GRID1: variants seen among roughly 807,000 people sequenced by gnomAD.
The protein encoded by GRID1 is glutamate receptor ionotropic, delta-1.
A neutral mutation model predicts 98.0 loss-of-function variants in GRID1; 28 were observed. The ratio of observed to expected loss-of-function variants is 0.29; its 90% CI spans 0.21 to 0.39. The LOEUF is 0.39. Among genes scored for constraint, GRID1 ranks in the 10% least tolerant of loss-of-function variants. GRID1 has a pLI of 1.00. For missense variants in GRID1, 1,111 were observed against 1,340.5 expected (o/e 0.83, Z 2.67); for synonymous variants, 553 against 538.5 (o/e 1.03, Z -0.37).
At chr10:85,655,129 C>T (rs1259953414) in intron 12 of GRID1, among the ~76,000 whole-genome samples, 1 of 152,188 alleles carries the variant, frequency 6.6e-6, no homozygotes, top group Non-Finnish European at 1.5e-5. Flanking sequence ...CTTGGCTACC[C>T]TGCTTTTGGT....
intron 3 of GRID1, among the ~76,000 whole-genome samples, chr10:86,143,987 C>T (rs1418315926): frequency 6.6e-6 from 1 of 152,164 alleles, no homozygotes; most frequent in Non-Finnish European, 1.5e-5. Flanking sequence ...AATACCCAAG[C>T]CTGCCGGAGT....
At chr10:85,942,923 C>A (rs1463817531) in intron 4 of GRID1, among the ~76,000 whole-genome samples, 1 of 152,188 alleles carries the variant, frequency 6.6e-6, no homozygotes, top group Non-Finnish European at 1.5e-5. Flanking sequence ...AGAAGCATAT[C>A]ATACATACTT....
chr10:86,056,693 A>G (rs1308820566), intron 4 of GRID1, among the ~76,000 whole-genome samples: 1 of 152,252 alleles, frequency 6.6e-6, no homozygotes, highest in African/African-American at 2.4e-5. Context: ...CCCTGCATGC[A>G]GCAGACAGAG....
In GRID1 at chr10:86,307,169, G is replaced by A. The variant is rs149683685; in HGVS notation, c.235+56772C>T. 4.5e-4 allele frequency among the ~76,000 whole-genome samples: 68 copies of A among 152,326 alleles called. 1 individual carries two copies. The East Asian group carries it at 9.3e-3, about 21-fold the overall frequency. On this transcript the variant is annotated intron_variant, in intron 2 of 15. Transcript: ENST00000327946. ...ATAAAAAACTAAAAATAGAACTACCGTATAATTCAGCAATCTCACTTCTGG... is the reference window on the plus strand; with the variant it reads ...ATAAAAAACTAAAAATAGAACTACCATATAATTCAGCAATCTCACTTCTGG...
chr10:86,112,750 A>G (rs1008280707), intron 4 of GRID1, among the ~76,000 whole-genome samples: 3 of 152,130 alleles, frequency 2.0e-5, no homozygotes, highest in African/African-American at 7.2e-5. Flanking sequence ...TTCCACTGAT[A>G]TGTTTTCTAA....
intron 4 of GRID1, among the ~76,000 whole-genome samples, chr10:85,975,764 C>T (rs1220027470): frequency 6.6e-6 from 1 of 152,186 alleles, no homozygotes; most frequent in African/African-American, 2.4e-5. Flanking sequence ...TCAAGAAAAT[C>T]GACCCTCAAG....
intron 12 of GRID1, among the ~76,000 whole-genome samples, chr10:85,694,584 ATATATATATATATATATAAT>A: frequency 1.3e-5 from 1 of 74,454 alleles, no homozygotes; most frequent in Middle Eastern, 6.5e-3. Flanking sequence ...ATATATATAT[ATATATATATATATATATAAT>A]GGAATATTAT....
chr10:86,100,294 G>A (rs558081305), intron 4 of GRID1, among the ~76,000 whole-genome samples: 82 of 152,222 alleles, frequency 5.4e-4, no homozygotes, highest in African/African-American at 1.8e-3. Flanking sequence ...TTGTGTGCAG[G>A]ACTGTATTTG....
At chr10:85,949,855 A>G (rs1842097246) in intron 4 of GRID1, among the ~76,000 whole-genome samples, 1 of 152,122 alleles carries the variant, frequency 6.6e-6, no homozygotes, top group African/African-American at 2.4e-5. Context: ...CTATAGGGAG[A>G]GAGACAGAGA....
rs1412383612 is a variant in GRID1, at chr10:86,365,143, C to A, written c.80-1047G>T. Reference sequence around the variant, plus strand: ...CGGCGCCGCAATGCTGACCGCGAGACCCGCACCCCTCCAGGGCGGGAAGCA... The same window carrying A: ...CGGCGCCGCAATGCTGACCGCGAGAACCGCACCCCTCCAGGGCGGGAAGCA... On this transcript the variant is annotated intron_variant, in intron 1 of 15. Coordinates refer to ENST00000327946, the MANE Select transcript of GRID1 (RefSeq NM_017551.3). The surrounding 1 kb of genome is among the most constrained non-coding windows in gnomAD (Gnocchi z 4.8). Among the ~76,000 whole-genome samples, 1 of 152,012 alleles carries A rather than the reference C, an allele frequency of 6.6e-6. No individual in the cohort carries two copies.
chr10:86,160,202 C>G (rs1249187161), intron 3 of GRID1, among the ~76,000 whole-genome samples: 1 of 152,210 alleles, frequency 6.6e-6, no homozygotes. Flanking sequence ...TATGCTTGGT[C>G]TTGCCAAAGC....
intron 4 of GRID1, among the ~76,000 whole-genome samples, chr10:86,064,070 T>C (rs978915911): frequency 1.3e-5 from 2 of 151,992 alleles, no homozygotes; most frequent in Admixed American, 6.6e-5. Context: ...AAATTGTTCG[T>C]TTTTTTTCCT....
In GRID1 at chr10:85,614,784, G is replaced by C. The variant is rs537766813; in HGVS notation, c.2361-1137C>G. ...GTTTCGATTTCATCATGTGTGCAAT[G>C]GTGGGACAACCCATGCTGCTTCTAT... On this transcript the variant is annotated intron_variant, in intron 14 of 15. Transcript: ENST00000327946. Among the ~76,000 whole-genome samples the C allele has an allele frequency of 3.6e-4, 55 of 152,252 alleles. 1 individual carries two copies. Among genetic ancestry groups the C allele is most frequent in the Admixed American group, 2.2e-3 (33 of 15,294 alleles).
chr10:85,987,189 C>T (rs917628034), intron 4 of GRID1, among the ~76,000 whole-genome samples: 2 of 152,068 alleles, frequency 1.3e-5, no homozygotes, highest in African/African-American at 2.4e-5. Context: ...TCAAAGCCTA[C>T]CCTGGATTGA....
chr10:85,938,597 T>C (rs1290235750), intron 4 of GRID1, among the ~76,000 whole-genome samples: 1 of 152,126 alleles, frequency 6.6e-6, no homozygotes, highest in African/African-American at 2.4e-5. Flanking sequence ...AATGCCACGA[T>C]ACAAACGAGC....
chr10:86,342,409 C>T (rs1173071324), intron 2 of GRID1, among the ~76,000 whole-genome samples: 1 of 152,230 alleles, frequency 6.6e-6, no homozygotes, highest in Non-Finnish European at 1.5e-5. Flanking sequence ...AAGATGAACC[C>T]AGCTCCTTTC....
chr10:85,696,905 A>T (rs1372555573), intron 12 of GRID1, among the ~76,000 whole-genome samples: 1 of 151,992 alleles, frequency 6.6e-6, no homozygotes, highest in Non-Finnish European at 1.5e-5. Flanking sequence ...TTTTAGCTAC[A>T]TTATGTTAGT....
chr10:86,129,550 T>C (rs186081453), intron 4 of GRID1, among the ~76,000 whole-genome samples: 2 of 152,342 alleles, frequency 1.3e-5, no homozygotes, highest in Admixed American at 6.5e-5. Context: ...GGTCTGAATA[T>C]GGTGAACTTG....
chr10:85,686,102 T>A (rs542574545), intron 12 of GRID1, among the ~76,000 whole-genome samples: 1 of 152,158 alleles, frequency 6.6e-6, no homozygotes, highest in South Asian at 2.1e-4. Context: ...TTCAAGGAAG[T>A]TCTGGAAAAA....
Sources: allele counts gnomAD v4.1 joint callset (sites outside exome capture counted in the v4.1 genomes callset), GRCh38; gene constraint gnomAD v4.1.1; non-coding constraint Gnocchi (gnomAD v3.1); transcripts MANE v1.5; gene names NCBI Gene and HGNC (gene_info 2026-07-23, HGNC 2026-07-21).